The following ATAD2 variants were observed in gnomAD, a reference collection of about 807,000 sequenced individuals.
ATAD2 encodes the protein ATPase family AAA domain containing 2.
In ATAD2, 62 loss-of-function variants were observed where a neutral mutation model predicts 168.9. The ratio of observed to expected loss-of-function variants is 0.37; its 90% CI spans 0.30 to 0.45. ATAD2 has a LOEUF of 0.45. Among genes scored for constraint, ATAD2 ranks in the 20% least tolerant of loss-of-function variants. The pLI is 1.00. For missense variants in ATAD2, 1,419 were observed against 1,667.8 expected, an observed-to-expected ratio of 0.85 and a Z score of 2.60; for synonymous variants, 613 against 571.6, an observed-to-expected ratio of 1.07 and a Z score of -1.03.
chr8:123,380,912 A>G (rs1288379293), intron 1 of ATAD2: 10 of 465,560 alleles, frequency 2.1e-5, no homozygotes, highest in African/African-American at 5.9e-5. Context: ...ATAGTTCATA[A>G]CAAGTAGTTC....
At chr8:123,406,616 A>G (rs1563872743) in intron 1 of ATAD2, among the ~76,000 whole-genome samples, 1 of 151,836 alleles carries the variant, frequency 6.6e-6, no homozygotes, top group East Asian at 1.9e-4. Flanking sequence ...CAGAGATTCA[A>G]GACCAGCCTG....
Position 123,402,814 on chromosome 8 carries a change from C to T in ATAD2, c.-2281-1639G>A, listed in dbSNP as rs1383905940. On this transcript the variant is annotated intron_variant, in intron 1 of 28. Transcript: ENST00000521903. The surrounding 1 kb of genome is among the most constrained non-coding windows in gnomAD (Gnocchi z 4.8). ...AGAATAAATCAAGCAGGTCTCAATG[C>T]CAATAATAATAATAATAATAATAAT... Among the ~76,000 whole-genome samples, 1 of 57,832 alleles carries T rather than the reference C, an allele frequency of 1.7e-5. No homozygotes were observed. The highest frequency in any genetic ancestry group is 7.2e-4 in the East Asian group (1 of 1,382). 37.9% of individuals were successfully genotyped at this position (57,832 alleles called of 152,430 possible). A position where few individuals can be genotyped will look rare whatever the true frequency, so the allele number is the denominator to read the frequency against.
At chr8:123,354,381 A>ATTTT (rs1828564904) in intron 13 of ATAD2, among the ~76,000 whole-genome samples, 1 of 152,158 alleles carries the variant, frequency 6.6e-6, no homozygotes, top group African/African-American at 2.4e-5. Context: ...TTTGGTTAAA[A>ATTTT]TAACTTGAAT....
At position 123,321,032 on chromosome 8, in the gene ATAD2, T is replaced by G. The variant is rs144719705; in HGVS notation, c.*102A>C. ...CTTTTATTTTACTATTTTAATCTTT[T>G]CCTTAAAGATGCAGGGTTTCATACT... On this transcript the variant is annotated 3_prime_UTR_variant, in exon 28 of 28. Coordinates refer to ENST00000287394, the MANE Select transcript of ATAD2 (RefSeq NM_014109.4). 4.8e-5 allele frequency: 47 copies of G among 984,276 alleles called. No homozygotes were observed. In the East Asian group the frequency reaches 1.2e-3, roughly 24 times the overall value. 61.0% of individuals were successfully genotyped at this position (984,276 alleles called of 1,614,324 possible).
intron 19 of ATAD2, among the ~76,000 whole-genome samples, chr8:123,340,003 T>C (rs774090437): frequency 6.6e-6 from 1 of 152,114 alleles, no homozygotes; most frequent in Middle Eastern, 3.4e-3. Context: ...AATCCTCTTA[T>C]CTCAGCCTCC....
intron 2 of ATAD2, among the ~76,000 whole-genome samples, chr8:123,373,073 T>C (rs554679700): frequency 6.6e-6 from 1 of 152,034 alleles, no homozygotes; most frequent in Admixed American, 6.6e-5. Flanking sequence ...TTTGGATTTT[T>C]AGTAGAGACG....
chr8:123,346,067 T>C lies in ATAD2; in HGVS notation c.2532+19A>G. 6.7e-7 allele frequency: 1 copy of C among 1,485,172 alleles called. No individual in the cohort carries two copies. 92.0% of individuals were successfully genotyped at this position (1,485,172 alleles called of 1,614,324 possible). On this transcript the variant is annotated intron_variant, in intron 18 of 27. Transcript: ENST00000287394. ...TCTGAAAGCCTGTTTTGTCTTATAC[T>C]TGGGCACCAACAAATTACCTGGGCA...
At chr8:123,331,350 T>C (rs1214762334) in intron 24 of ATAD2, among the ~76,000 whole-genome samples, 2 of 152,120 alleles carry the variant, frequency 1.3e-5, no homozygotes, top group Non-Finnish European at 2.9e-5. Context: ...GTGATTCTCA[T>C]GCCTCAGCCT....
In ATAD2 at chr8:123,378,845, T is replaced by C. The variant is rs1463119753; in HGVS notation, c.320+1684A>G. On this transcript the variant is annotated intron_variant, in intron 2 of 27. Transcript: ENST00000287394. Reference sequence around the variant, plus strand: ...TTTTTTTTGAAACAGGGTCTCACTCTCAGTGGCATGATTATAGCTCACTGC... The same window carrying C: ...TTTTTTTTGAAACAGGGTCTCACTCCCAGTGGCATGATTATAGCTCACTGC... 2.0e-5 allele frequency among the ~76,000 whole-genome samples: 3 copies of C among 151,344 alleles called. No homozygotes were observed. In the East Asian group the frequency reaches 5.8e-4, roughly 29 times the overall value.
rs764733996 is a variant in ATAD2, at chr8:123,321,119, G to C, written c.*15C>G. On this transcript the variant is annotated 3_prime_UTR_variant, in exon 28 of 28. Transcript: ENST00000287394. ...TAGGAACTGAATATAAAGAATACTCGATACCATGACATCATCATCTGGAAC... is the reference window on the plus strand; with the variant it reads ...TAGGAACTGAATATAAAGAATACTCCATACCATGACATCATCATCTGGAAC... The C allele has an allele frequency of 7.5e-6, 12 of 1,606,644 alleles. No homozygotes were observed. Among genetic ancestry groups the C allele is most frequent in the Non-Finnish European group, 1.0e-5 (12 of 1,177,126 alleles).
At chr8:123,394,963 G>A (rs1359700832) in intron 1 of ATAD2, among the ~76,000 whole-genome samples, 1 of 152,174 alleles carries the variant, frequency 6.6e-6, no homozygotes, top group African/African-American at 2.4e-5. Flanking sequence ...ACCAGAATGG[G>A]ATGCCCACAA....
intron 12 of ATAD2, 46 bp downstream of exon 12, chr8:123,357,516 C>T (rs1828688147): frequency 6.6e-7 from 1 of 1,506,060 alleles, no homozygotes; most frequent in African/African-American, 1.4e-5. Flanking sequence ...CACACATCTG[C>T]CTAGATTACA....
At chr8:123,324,346 C>T (rs1299928980) in intron 26 of ATAD2, among the ~76,000 whole-genome samples, 2 of 152,176 alleles carry the variant, frequency 1.3e-5, no homozygotes, top group Non-Finnish European at 2.9e-5. Flanking sequence ...TAATGTATCT[C>T]TGATAAACAT....
upstream of ATAD2, among the ~76,000 whole-genome samples, chr8:123,397,862 A>C (rs1419526897): frequency 6.6e-6 from 1 of 152,146 alleles, no homozygotes; most frequent in African/African-American, 2.4e-5. Context: ...TCTGGCTGAG[A>C]AGTCTGACAA....
chr8:123,324,613 A>G (rs1827556280), intron 26 of ATAD2, among the ~76,000 whole-genome samples: 1 of 152,178 alleles, frequency 6.6e-6, no homozygotes, highest in African/African-American at 2.4e-5. Flanking sequence ...AATAGAGCAA[A>G]TGATCAGAAA....
At chr8:123,406,325 C>G (rs556025418) in intron 1 of ATAD2, among the ~76,000 whole-genome samples, 1 of 140,974 alleles carries the variant, frequency 7.1e-6, no homozygotes, top group Non-Finnish European at 1.5e-5. Flanking sequence ...TGCAGTGAGC[C>G]CAGAAGATCA....
chr8:123,357,078 A>G (rs1668464682), intron 12 of ATAD2, among the ~76,000 whole-genome samples: 1 of 152,202 alleles, frequency 6.6e-6, no homozygotes, highest in African/African-American at 2.4e-5. Flanking sequence ...CACAGTTTTT[A>G]TCCATTTCCA....
intron 11 of ATAD2, 128 bp from the exon 12 acceptor site, chr8:123,357,864 TAC>T: frequency 1.1e-6 from 1 of 949,376 alleles, no homozygotes. Flanking sequence ...TGAATTATGG[TAC>T]AGTTTCGCAC....
intron 2 of ATAD2, among the ~76,000 whole-genome samples, chr8:123,377,184 A>G (rs553021464): frequency 3.6e-4 from 54 of 150,428 alleles, no homozygotes; most frequent in African/African-American, 1.3e-3. Context: ...CCACTGGATC[A>G]CTTGAGCCTG....
Sources: gnomAD v4.1 joint callset for allele counts (sites outside exome capture counted in the v4.1 genomes callset) on GRCh38, gnomAD v4.1.1 for gene constraint, Gnocchi (gnomAD v3.1) non-coding constraint, MANE v1.5 for transcripts, NCBI Gene and HGNC (gene_info 2026-07-23, HGNC 2026-07-21) for gene names.